The following KCND2 variants were observed in gnomAD, a reference collection of about 807,000 sequenced individuals.
KCND2 encodes the protein potassium voltage-gated channel subfamily D member 2.
A neutral mutation model predicts 54.4 loss-of-function variants in KCND2; 16 were observed. The ratio of observed to expected loss-of-function variants is 0.29; its 90% CI spans 0.20 to 0.45. KCND2 has a LOEUF of 0.45. Ranked by LOEUF, KCND2 falls within the 20% of genes least tolerant of loss-of-function variation. KCND2 has a pLI of 1.00. For missense variants in KCND2, 486 were observed against 824.2 expected (o/e 0.59, Z 5.02); for synonymous variants, 317 against 310.7 (o/e 1.02, Z -0.21).
chr7:120,675,842 TTGTC>T (rs917187197), intron 1 of KCND2, among the ~76,000 whole-genome samples: 1 of 150,774 alleles, frequency 6.6e-6, no homozygotes, highest in Non-Finnish European at 1.5e-5. Flanking sequence ...GTCTTCCTAC[TTGTC>T]TTTCTATTCT....
chr7:120,496,275 T>C (rs1249423065), intron 1 of KCND2, among the ~76,000 whole-genome samples: 1 of 152,052 alleles, frequency 6.6e-6, no homozygotes, highest in African/African-American at 2.4e-5. Flanking sequence ...CCTCTCTCTA[T>C]ACTCTTTTTG....
At chr7:120,514,999 T>A (rs1342944331) in intron 1 of KCND2, among the ~76,000 whole-genome samples, 1 of 151,880 alleles carries the variant, frequency 6.6e-6, no homozygotes, top group Non-Finnish European at 1.5e-5. Context: ...AATGCATTCT[T>A]ATTTTGTTGC....
intron 1 of KCND2, among the ~76,000 whole-genome samples, chr7:120,297,917 G>A (rs530776615): frequency 6.6e-6 from 1 of 152,254 alleles, no homozygotes; most frequent in East Asian, 1.9e-4. Flanking sequence ...GCACTGTCCA[G>A]TAGAACTTTC....
At chr7:120,677,587 A>G (rs1792083171) in intron 1 of KCND2, among the ~76,000 whole-genome samples, 1 of 150,036 alleles carries the variant, frequency 6.7e-6, no homozygotes, top group Non-Finnish European at 1.5e-5. Context: ...ATAGATATAT[A>G]AAATACTCAA....
intron 1 of KCND2, among the ~76,000 whole-genome samples, chr7:120,719,383 A>G (rs970244226): frequency 1.3e-5 from 2 of 152,200 alleles, no homozygotes; most frequent in East Asian, 3.9e-4. Context: ...AGGCTTTTAC[A>G]ACTATAAATA....
intron 1 of KCND2, among the ~76,000 whole-genome samples, chr7:120,523,575 A>G (rs1791728154): frequency 6.7e-6 from 1 of 149,442 alleles, no homozygotes; most frequent in Non-Finnish European, 1.5e-5. Context: ...TAAGCCAAAA[A>G]AAAACATACA....
intron 1 of KCND2, among the ~76,000 whole-genome samples, chr7:120,453,556 C>A (rs941039159): frequency 3.3e-5 from 5 of 152,174 alleles, no homozygotes; most frequent in African/African-American, 1.2e-4. Flanking sequence ...AAACCAAATT[C>A]ATACCAAACA....
intron 1 of KCND2, among the ~76,000 whole-genome samples, chr7:120,582,819 A>T (rs762830696): frequency 3.9e-5 from 6 of 151,990 alleles, no homozygotes; most frequent in African/African-American, 1.4e-4. Flanking sequence ...TATCATTCAT[A>T]TATTTTTCTT....
intron 1 of KCND2, among the ~76,000 whole-genome samples, chr7:120,548,299 A>G (rs1162758765): frequency 1.3e-5 from 2 of 152,174 alleles, no homozygotes; most frequent in African/African-American, 4.8e-5. Flanking sequence ...GAAGAAATAC[A>G]GGAAGATAGT....
chr7:120,690,914 T>G (rs893295390), intron 1 of KCND2, among the ~76,000 whole-genome samples: 1 of 151,992 alleles, frequency 6.6e-6, no homozygotes, highest in Non-Finnish European at 1.5e-5. Flanking sequence ...AAAACGAGAA[T>G]GAGGATAAAG....
At chr7:120,710,269 A>G (rs1792521207) in intron 1 of KCND2, among the ~76,000 whole-genome samples, 1 of 152,210 alleles carries the variant, frequency 6.6e-6, no homozygotes, top group African/African-American at 2.4e-5. Context: ...ATGTTTGCAC[A>G]CCAGGAACAA....
chr7:120,373,298 C>T (rs1236683682), intron 1 of KCND2, among the ~76,000 whole-genome samples: 1 of 151,710 alleles, frequency 6.6e-6, no homozygotes, highest in Non-Finnish European at 1.5e-5. Flanking sequence ...TCTTTGGTAG[C>T]TAGAGAACAG....
chr7:120,326,464 A>G (rs931434849), intron 1 of KCND2, among the ~76,000 whole-genome samples: 1 of 152,130 alleles, frequency 6.6e-6, no homozygotes, highest in Non-Finnish European at 1.5e-5. Flanking sequence ...TTCGATTACA[A>G]CAATATGCAT....
intron 1 of KCND2, among the ~76,000 whole-genome samples, chr7:120,639,436 C>T (rs1346692230): frequency 1.3e-5 from 2 of 152,068 alleles, no homozygotes; most frequent in Non-Finnish European, 1.5e-5. Context: ...AACCATGGGC[C>T]TCTGTCCCTT....
rs1231191811 is a variant in KCND2 at position 120,432,318 on chromosome 7, A to G, written c.1115+156571A>G. Among the ~76,000 whole-genome samples, 8 of 152,230 alleles carry G rather than the reference A, an allele frequency of 5.3e-5. 1 individual carries two copies. The highest frequency in any genetic ancestry group is 9.6e-5 in the African/African-American group (4 of 41,456). ...CAGGTGTGTTTATAGTAGTATATGTACATTGGGATTCTTGTGCTTCTTGAC... is the reference window on the plus strand; with the variant it reads ...CAGGTGTGTTTATAGTAGTATATGTGCATTGGGATTCTTGTGCTTCTTGAC... On this transcript the variant is annotated intron_variant, in intron 1 of 5. Coordinates refer to ENST00000331113, the MANE Select transcript of KCND2 (RefSeq NM_012281.3).
chr7:120,700,132 A>G (rs991907466), intron 1 of KCND2, among the ~76,000 whole-genome samples: 6 of 152,202 alleles, frequency 3.9e-5, no homozygotes, highest in Non-Finnish European at 5.9e-5. Flanking sequence ...CAGAAAAAAT[A>G]TGAGTGGGTT....
chr7:120,392,487 CTTTG>C (rs1270213818), intron 1 of KCND2, among the ~76,000 whole-genome samples: 5 of 147,246 alleles, frequency 3.4e-5, no homozygotes, highest in South Asian at 2.2e-4. Flanking sequence ...TACAAAAGTT[CTTTG>C]TTTATTATCT....
Position 120,642,445 on chromosome 7 carries a change from C to T in KCND2, c.1116-90458C>T, listed in dbSNP as rs74392323. On this transcript the variant is annotated intron_variant, in intron 1 of 5. Coordinates refer to ENST00000331113, the MANE Select transcript of KCND2 (RefSeq NM_012281.3). ...GGCGTGCTAGCGCACACCTGTAACCCCATCTACCCAGGAGGTTAAGGCACA... is the reference window on the plus strand; with the variant it reads ...GGCGTGCTAGCGCACACCTGTAACCTCATCTACCCAGGAGGTTAAGGCACA... Among the ~76,000 whole-genome samples the T allele has an allele frequency of 5.3e-4, 80 of 151,418 alleles. No homozygotes were observed. In the East Asian group the frequency reaches 0.012, roughly 23 times the overall value.
chr7:120,666,572 A>T (rs950445650), intron 1 of KCND2, among the ~76,000 whole-genome samples: 15 of 152,034 alleles, frequency 9.9e-5, no homozygotes, highest in Admixed American at 6.6e-5. Flanking sequence ...CTCAGCATAG[A>T]TACAAGTAAG....
Sources: allele counts gnomAD v4.1 joint callset (sites outside exome capture counted in the v4.1 genomes callset), GRCh38; gene constraint gnomAD v4.1.1; transcripts MANE v1.5; gene names NCBI Gene and HGNC (gene_info 2026-07-23, HGNC 2026-07-21).